The following CHRNA4 variants were observed in gnomAD, a reference collection of about 807,000 sequenced individuals.
CHRNA4 encodes cholinergic receptor nicotinic alpha 4 subunit.
In CHRNA4, 28 loss-of-function variants were observed where a neutral mutation model predicts 48.9. The ratio of observed to expected loss-of-function variants is 0.57; its 90% confidence interval spans 0.42 to 0.79. The LOEUF (loss-of-function observed/expected upper bound fraction) is 0.79, where lower values mean the gene tolerates loss of function less well. Among genes scored for constraint, CHRNA4 ranks in the 30% least tolerant of loss-of-function variants. CHRNA4 has a pLI of 0.00. For missense variants in CHRNA4, 859 were observed against 898.4 expected (o/e 0.96, Z 0.56); for synonymous variants, 425 against 402.3 (o/e 1.06, Z -0.68).
chr20:63,348,109 G>A (rs758784522), intron 5 of CHRNA4, among the ~76,000 whole-genome samples: 5 of 152,166 alleles, frequency 3.3e-5, no homozygotes, highest in Middle Eastern at 3.2e-3. Flanking sequence ...CTTTGTCCCC[G>A]AGGTGGCTGC....
At chr20:63,348,619 TG>T (rs1430886756) in intron 5 of CHRNA4, among the ~76,000 whole-genome samples, 1 of 152,180 alleles carries the variant, frequency 6.6e-6, no homozygotes, top group African/African-American at 2.4e-5. Context: ...CACCAGGCCC[TG>T]GCACCGGGAC....
Position 63,359,574 on chromosome 20 carries a change from G to C in CHRNA4, c.202C>G (p.Leu68Val), listed in dbSNP as rs2068771710. 6.2e-7 allele frequency: 1 copy of C among 1,612,630 alleles called. No homozygotes were observed. The highest frequency in any genetic ancestry group is 8.5e-7 in the Non-Finnish European group (1 of 1,179,946). Reference protein sequence around the residue: ...ISDVVLVRFGLSIAQLIDVDE... With the variant: ...ISDVVLVRFGVSIAQLIDVDE... ...ACGTCAATGAGCTGAGCGATGGACA[G>C]GCCGAAGCGGACGAGGACCACGTCC... Residue 68 changes from leucine (L) to valine (V), a missense_variant, in exon 2 of 6, where the codon CTG (leucine) becomes GTG (valine). Physicochemically the swap from Leu to Val is conservative, Grantham distance 32. Coordinates refer to ENST00000370263, the MANE Select transcript of CHRNA4 (RefSeq NM_000744.7).
Position 63,343,947 on chromosome 20 carries a change from GA to G in CHRNA4, c.*2790del. The G allele has an allele frequency of 2.2e-6, 1 of 454,154 alleles. No individual in the cohort carries two copies. The highest frequency in any genetic ancestry group is 4.4e-6 in the Non-Finnish European group (1 of 226,800). The allele number at this position is 454,154 out of a possible 1,614,324, so 28.1% of individuals were successfully genotyped here. A position where few individuals can be genotyped will look rare whatever the true frequency, so the allele number is the denominator to read the frequency against. The stretch of plus-strand genomic sequence containing the variant: ...CCCTAGGAGGAGCAGTCCTGGGTCT[GA>G]AAGATGTTAAAACATTAACAGATGC... On this transcript the variant is annotated 3_prime_UTR_variant, in exon 6 of 6. Transcript: ENST00000370263.
intron 5 of CHRNA4, among the ~76,000 whole-genome samples, chr20:63,349,042 T>C (rs2068540390): frequency 6.6e-6 from 1 of 151,870 alleles, no homozygotes. Flanking sequence ...CGGGGGGCCT[T>C]AGCCGTGGGA....
At position 63,355,975 on chromosome 20, in the gene CHRNA4, T is replaced by C; in HGVS notation, c.383A>G (p.Asn128Ser). 1 of 1,611,060 alleles carries C rather than the reference T, an allele frequency of 6.2e-7. No individual in the cohort carries two copies. The highest frequency in any genetic ancestry group is 8.5e-7 in the Non-Finnish European group (1 of 1,179,010). The part of the protein sequence containing the change: ...IWRPDIVLYN[N>S]ADGDFAVTHL... ...GACTCACTTGTTGTAGAGGACTCAC[T>C]TGTTGTAGAGGACGATGTCCGGCCG... The change falls in exon 4 of 6, where the codon AAT becomes AGT. Residue 128 changes from asparagine (N) to serine (S), a missense_variant and splice_region_variant. Physicochemically the swap from Asn to Ser is conservative, Grantham distance 46. Coordinates refer to ENST00000370263, the MANE Select transcript of CHRNA4 (RefSeq NM_000744.7).
Position 63,357,093 on chromosome 20 carries a change from TC to T in CHRNA4, c.229-679del, listed in dbSNP as rs1463643266. On this transcript the variant is annotated intron_variant, in intron 2 of 5. Transcript: ENST00000370263. ...CGGACCACGTCCCCACAGAACCACATCCCCACAGGACCACATTCCCACAGGA... is the reference window on the plus strand; with the variant it reads ...CGGACCACGTCCCCACAGAACCACATCCCACAGGACCACATTCCCACAGGA... Among the ~76,000 whole-genome samples, 304 of 138,156 alleles carry T rather than the reference TC, an allele frequency of 2.2e-3. 4 individuals are homozygous for T. The highest frequency in any genetic ancestry group is 5.9e-3 in the South Asian group (24 of 4,076). The allele number at this position is 138,156 out of a possible 152,430, so 90.6% of individuals were successfully genotyped here.
At chr20:63,358,540 T>G (rs1369793644) in intron 2 of CHRNA4, among the ~76,000 whole-genome samples, 4 of 152,212 alleles carry the variant, frequency 2.6e-5, no homozygotes, top group Admixed American at 2.0e-4. Context: ...GTGCCCTCCC[T>G]GGACCAGCGA....
Position 63,346,696 on chromosome 20 carries a change from C to A in CHRNA4, c.*42G>T, listed in dbSNP as rs200167733. On this transcript the variant is annotated 3_prime_UTR_variant, in exon 6 of 6. Coordinates refer to ENST00000370263, the MANE Select transcript of CHRNA4 (RefSeq NM_000744.7). The stretch of plus-strand genomic sequence containing the variant: ...AGGCCGGCCGCATGGATGCTGGCCC[C>A]GTGCACGGCAGCCCCAGGCCACGCA... 6.3e-7 allele frequency: 1 copy of A among 1,582,254 alleles called. No homozygotes were observed. The highest frequency in any genetic ancestry group is 1.1e-5 in the South Asian group (1 of 89,056).
rs1243196341 is a variant in CHRNA4, at chr20:63,361,225, G to A, written c.-60C>T. On this transcript the variant is annotated 5_prime_UTR_variant, in exon 1 of 6. Coordinates refer to ENST00000370263, the MANE Select transcript of CHRNA4 (RefSeq NM_000744.7). ...GCTCCCGGCTCCCCGCCGCTTCGAGGCCCGTGCGCGCCCAACTTCATGCCT... is the reference window on the plus strand; with the variant it reads ...GCTCCCGGCTCCCCGCCGCTTCGAGACCCGTGCGCGCCCAACTTCATGCCT... 6.9e-7 allele frequency: 1 copy of A among 1,440,126 alleles called. No individual in the cohort carries two copies. Among genetic ancestry groups the A allele is most frequent in the South Asian group, 1.4e-5 (1 of 73,900 alleles). 89.2% of individuals were successfully genotyped at this position (1,440,126 alleles called of 1,614,324 possible).
chr20:63,354,673 G>A (rs1236671076), intron 4 of CHRNA4: 1 of 985,580 alleles, frequency 1.0e-6, no homozygotes, highest in Non-Finnish European at 1.2e-6. Flanking sequence ...TTCGTTCCTG[G>A]GGGCTGCATT....
rs1166301083 is a variant in CHRNA4 at position 63,344,393 on chromosome 20, T to A, written c.*2345A>T. On this transcript the variant is annotated 3_prime_UTR_variant, in exon 6 of 6. Transcript: ENST00000370263. This position sits in a 1 kb window ranked among gnomAD's most constrained non-coding sequence, Gnocchi z 4.5. Reference sequence around the variant, plus strand: ...CACCATATGTAAATTTTACCTTAATTAATAAAAACAGCACTGGACGCAAAT... The same window carrying A: ...CACCATATGTAAATTTTACCTTAATAAATAAAAACAGCACTGGACGCAAAT... The A allele has an allele frequency of 1.1e-5, 5 of 453,580 alleles. No homozygotes were observed. The East Asian group carries it at 3.5e-4, about 32-fold the overall frequency. 28.1% of individuals were successfully genotyped at this position (453,580 alleles called of 1,614,324 possible).
In CHRNA4 at chr20:63,350,189, A is replaced by G. The variant is rs2068566305; in HGVS notation, c.1222T>C (p.Phe408Leu). ...GCCGGCACATCCAGGGGGACACAGA[A>G]GGACGGTGAGGGCGGGTGCAGGCTC... Reference protein sequence around the residue: ...TQSLHPPSPSFCVPLDVPAEP... With the variant: ...TQSLHPPSPSLCVPLDVPAEP... Residue 408 changes from phenylalanine to leucine, a missense_variant, in exon 5 of 6, where the codon TTC becomes CTC. Physicochemically the swap from Phe to Leu is conservative, Grantham distance 22. Transcript: ENST00000370263. 1 of 1,596,308 alleles carries G rather than the reference A, an allele frequency of 6.3e-7. No individual in the cohort carries two copies. Among genetic ancestry groups the G allele is most frequent in the Non-Finnish European group, 8.5e-7 (1 of 1,170,244 alleles).
chr20:63,353,672 AG>A (rs2068655811), intron 4 of CHRNA4, among the ~76,000 whole-genome samples: 1 of 14,002 alleles, frequency 7.1e-5, no homozygotes. Flanking sequence ...TGGTCCTGGG[AG>A]GGCTGCAGTC....
chr20:63,356,992 C>CCACATCGCCATG (rs1555839739), intron 2 of CHRNA4, among the ~76,000 whole-genome samples: 5 of 143,750 alleles, frequency 3.5e-5, no homozygotes, highest in Non-Finnish European at 7.6e-5. Flanking sequence ...ACGTCCCCAC[C>CCACATCGCCATG]GACCACATCT....
intron 4 of CHRNA4, among the ~76,000 whole-genome samples, chr20:63,352,796 G>A (rs958115789): frequency 2.6e-5 from 4 of 151,826 alleles, no homozygotes; most frequent in South Asian, 2.1e-4. Context: ...CTCTGCCCGC[G>A]CCACAGGAAA....
intron 4 of CHRNA4, chr20:63,355,393 G>A (rs1165509776): frequency 2.8e-6 from 2 of 725,456 alleles, no homozygotes; most frequent in South Asian, 3.0e-5. Flanking sequence ...CCGAGGCTTT[G>A]TTTGTTTGCT....
intron 4 of CHRNA4, among the ~76,000 whole-genome samples, chr20:63,354,236 T>A: frequency 1.1e-5 from 1 of 91,138 alleles, no homozygotes; most frequent in Non-Finnish European, 2.0e-5. Flanking sequence ...TAGGGGGCTG[T>A]GGTCCTAAAT....
intron 4 of CHRNA4, among the ~76,000 whole-genome samples, chr20:63,352,525 C>CCGAG (rs1167430680): frequency 6.6e-6 from 1 of 152,188 alleles, no homozygotes; most frequent in Non-Finnish European, 1.5e-5. Flanking sequence ...AGCCTGGCTC[C>CCGAG]CGAGCGTCCC....
At position 63,344,449 on chromosome 20, in the gene CHRNA4, C is replaced by T. The variant is rs201585577; in HGVS notation, c.*2289G>A. 15 of 451,906 alleles carry T rather than the reference C, an allele frequency of 3.3e-5. No homozygotes were observed. Among genetic ancestry groups the T allele is most frequent in the Admixed American group, 1.2e-4 (5 of 42,350 alleles). The allele number at this position is 451,906 out of a possible 1,614,324, so 28.0% of individuals were successfully genotyped here. A position where few individuals can be genotyped will look rare whatever the true frequency, so the allele number is the denominator to read the frequency against. On this transcript the variant is annotated 3_prime_UTR_variant, in exon 6 of 6. Coordinates refer to ENST00000370263, the MANE Select transcript of CHRNA4 (RefSeq NM_000744.7). The surrounding 1 kb of genome is among the most constrained non-coding windows in gnomAD (Gnocchi z 4.5). Reference sequence around the variant, plus strand: ...AACATTGTTGTCAAGGTTAATTTGGCGTGGTGGGAATATGGTGCTTTATTT... The same window carrying T: ...AACATTGTTGTCAAGGTTAATTTGGTGTGGTGGGAATATGGTGCTTTATTT...
Sources: allele counts gnomAD v4.1 joint callset (sites outside exome capture counted in the v4.1 genomes callset), GRCh38; gene constraint gnomAD v4.1.1; non-coding constraint Gnocchi (gnomAD v3.1); transcripts MANE v1.5; gene names NCBI Gene and HGNC (gene_info 2026-07-23, HGNC 2026-07-21).